Variants in ESR2 observed in about 807,000 individuals in gnomAD.
ESR2 encodes estrogen receptor beta.
In ESR2, 36 loss-of-function variants were observed where a neutral mutation model predicts 49.6. That is an observed-to-expected ratio of 0.73 (90% CI 0.56 to 0.96). The LOEUF is 0.96. ESR2 is among the 40% of genes least tolerant of loss of function. ESR2 has a pLI of 0.00. For synonymous variants in ESR2, 320 were observed against 266.1 expected (o/e 1.20, Z -1.97); for missense variants, 714 against 693.0 (o/e 1.03, Z -0.34).
At chr14:64,257,398 C>T (rs892071535) in intron 5 of ESR2, 34 bp from the exon 6 acceptor site, 3 of 1,611,088 alleles carry the variant, frequency 1.9e-6, no homozygotes, top group African/African-American at 1.3e-5. Context: ...GACACCCCCA[C>T]CCCTCCTCCT....
At chr14:64,326,046 G>T (rs2357479) in intron 1 of ESR2, among the ~76,000 whole-genome samples, 97,348 of 151,416 alleles carry the variant, frequency 0.64, 33,270 homozygotes, top group African/African-American at 0.89. Flanking sequence ...TAACTGTACT[G>T]TCAACTAGTT....
chr14:64,317,202 T>C (rs1004802302), intron 1 of ESR2, among the ~76,000 whole-genome samples: 7 of 152,154 alleles, frequency 4.6e-5, no homozygotes, highest in Non-Finnish European at 7.4e-5. Flanking sequence ...GAGGCAGAGG[T>C]TGCAGTGGGC....
At chr14:64,324,466 T>C (rs2077365596) in intron 1 of ESR2, among the ~76,000 whole-genome samples, 1 of 152,232 alleles carries the variant, frequency 6.6e-6, no homozygotes, top group Non-Finnish European at 1.5e-5. Context: ...AATAAATAGT[T>C]AATTTCATTG....
intron 7 of ESR2, among the ~76,000 whole-genome samples, chr14:64,235,676 C>G (rs1224743617): frequency 3.9e-5 from 6 of 152,182 alleles, no homozygotes; most frequent in Non-Finnish European, 1.5e-5. Flanking sequence ...TTGAGTGGCA[C>G]CTGGCTGGGG....
chr14:64,332,459 CTTA>C (rs1260555045), intron 1 of ESR2: 1 of 152,190 alleles, frequency 6.6e-6, no homozygotes, highest in African/African-American at 2.4e-5. Flanking sequence ...AAATATTACT[CTTA>C]TTATAAGAGG....
intron 3 of ESR2, among the ~76,000 whole-genome samples, chr14:64,271,715 C>A (rs906189782): frequency 6.6e-6 from 1 of 152,236 alleles, no homozygotes; most frequent in Non-Finnish European, 1.5e-5. Flanking sequence ...CCAGTTGCAT[C>A]TGTGTTGTTG....
chr14:64,280,147 T>G lies in ESR2; in HGVS notation c.369A>C (p.Thr123=), dbSNP rs142771803. The part of the protein sequence containing the change: ...LEHTLPVNRE[T]LKRKVSGNRC... ...GGTTCCCACTAACCTTCCTTTTCAG[T>G]GTCTCTCTAGGGAGCAAAGAAAATA... is the stretch of plus-strand genomic sequence containing the variant. The change falls in exon 3 of 9, where the codon ACA becomes ACC. Residue 123 remains threonine, a synonymous_variant. Transcript: ENST00000341099. The G allele has an allele frequency of 1.5e-5, 24 of 1,613,522 alleles. No individual in the cohort carries two copies. The highest frequency in any genetic ancestry group is 1.0e-4 in the Admixed American group (6 of 59,984).
At chr14:64,305,489 T>C (rs1008271187) in intron 1 of ESR2, among the ~76,000 whole-genome samples, 1 of 151,018 alleles carries the variant, frequency 6.6e-6, no homozygotes, top group African/African-American at 2.4e-5. Flanking sequence ...GCTAACACAG[T>C]GAAACCCCAT....
At chr14:64,298,762 TAAAC>T (rs925862124), upstream of ESR2, among the ~76,000 whole-genome samples, 3 of 152,182 alleles carry the variant, frequency 2.0e-5, no homozygotes, top group African/African-American at 7.2e-5. Context: ...TTGCTATTTG[TAAAC>T]AAACAGGTAA....
chr14:64,257,329 G>C lies in ESR2; in HGVS notation c.988C>G (p.Leu330Val). The C allele has an allele frequency of 6.2e-7, 1 of 1,613,602 alleles. No individual in the cohort carries two copies. Residue 330 changes from leucine to valine, a missense_variant, in exon 6 of 9, where the codon CTC (leucine) becomes GTC (valine). Coordinates refer to ENST00000341099, the MANE Select transcript of ESR2 (RefSeq NM_001437.3). Reference sequence around the variant, plus strand: ...ACCTCCATCCAACAGCTCTCCAAGAGCCGCACTTGGTCGAACAGGCTGAGC... The same window carrying C: ...ACCTCCATCCAACAGCTCTCCAAGACCCGCACTTGGTCGAACAGGCTGAGC... ...VELSLFDQVR[L>V]LESCWMEVLM... is the part of the protein sequence containing the mutation.
At chr14:64,273,663 T>C (rs947072196) in intron 3 of ESR2, among the ~76,000 whole-genome samples, 2 of 152,224 alleles carry the variant, frequency 1.3e-5, no homozygotes, top group African/African-American at 2.4e-5. Flanking sequence ...CTGGTTATGA[T>C]GAATAATCTT....
rs2098728772 is a variant in ESR2 at position 64,233,067 on chromosome 14, G to A, written c.*70C>T. ...CACACAGCAGAAAGATGAAGCCCAG[G>A]CTCCTGACACACTGGAGTTCACGCT... is the stretch of plus-strand genomic sequence containing the variant. On this transcript the variant is annotated 3_prime_UTR_variant, in exon 9 of 9. Transcript: ENST00000341099. 1.9e-6 allele frequency: 3 copies of A among 1,556,600 alleles called. No individual in the cohort carries two copies. Among genetic ancestry groups the A allele is most frequent in the Non-Finnish European group, 2.6e-6 (3 of 1,147,668 alleles).
At position 64,282,774 on chromosome 14, in the gene ESR2, C is replaced by T. The variant is rs765704047; in HGVS notation, c.212G>A (p.Arg71Gln). The T allele has an allele frequency of 2.0e-5, 33 of 1,614,058 alleles. No individual in the cohort carries two copies. Among genetic ancestry groups the T allele is most frequent in the Admixed American group, 3.3e-5 (2 of 59,998 alleles). The part of the protein sequence containing the change: ...NVTNLEGGPG[R>Q]QTTSPNVLWP... Reference sequence around the variant, plus strand: ...CAACACATTTGGGCTTGTGGTCTGCCGACCAGGCCCACCTTCCAAGTTAGT... The same window carrying T: ...CAACACATTTGGGCTTGTGGTCTGCTGACCAGGCCCACCTTCCAAGTTAGT... Residue 71 changes from arginine (R) to glutamine (Q), a missense_variant, in exon 2 of 9, where the codon CGG becomes CAG. Coordinates refer to ENST00000341099, the MANE Select transcript of ESR2 (RefSeq NM_001437.3).
At chr14:64,234,324 G>A (rs867443) in intron 8 of ESR2, 31,844 of 152,464 alleles carry the variant, frequency 0.21, 3,920 homozygotes, top group Middle Eastern at 0.3. Context: ...TCCAGCTCCA[G>A]GGCAAGGCTA....
chr14:64,310,413 TCTG>T (rs1262620000), intron 1 of ESR2, among the ~76,000 whole-genome samples: 2 of 151,726 alleles, frequency 1.3e-5, no homozygotes, highest in African/African-American at 4.8e-5. Context: ...CTATAAAGAT[TCTG>T]TTCCAAAGGT....
upstream of ESR2, among the ~76,000 whole-genome samples, chr14:64,295,834 A>G (rs1358589952): frequency 6.6e-6 from 1 of 152,190 alleles, no homozygotes; most frequent in African/African-American, 2.4e-5. Context: ...TCACGAGGTC[A>G]GGAGTTTGAG....
chr14:64,333,140 T>C (rs925400588), intron 1 of ESR2, among the ~76,000 whole-genome samples: 4 of 152,042 alleles, frequency 2.6e-5, no homozygotes, highest in African/African-American at 7.2e-5. Flanking sequence ...TAATGAAAAA[T>C]TGTAATAATG....
chr14:64,243,761 T>C (rs1168691417), intron 7 of ESR2, among the ~76,000 whole-genome samples: 1 of 152,218 alleles, frequency 6.6e-6, no homozygotes, highest in African/African-American at 2.4e-5. Flanking sequence ...CCTGGCCCTG[T>C]GTGAACTCTA....
chr14:64,284,204 C>A (rs570531042), intron 1 of ESR2, among the ~76,000 whole-genome samples: 1 of 152,078 alleles, frequency 6.6e-6, no homozygotes, highest in Admixed American at 6.6e-5. Context: ...GCTGGGATTA[C>A]AGGCATAAGT....
Sources: allele counts gnomAD v4.1 joint callset (sites outside exome capture counted in the v4.1 genomes callset), GRCh38; gene constraint gnomAD v4.1.1; transcripts MANE v1.5; gene names NCBI Gene and HGNC (gene_info 2026-07-23, HGNC 2026-07-21).